GALNTL6: variants seen among roughly 807,000 people sequenced by gnomAD.
The protein encoded by GALNTL6 is polypeptide N-acetylgalactosaminyltransferase-like 6.
A neutral mutation model predicts 73.7 loss-of-function variants in GALNTL6; 46 were observed. The ratio of observed to expected loss-of-function variants is 0.62; its 90% CI spans 0.49 to 0.80. GALNTL6 has a LOEUF of 0.80. Among genes scored for constraint, GALNTL6 ranks in the 30% least tolerant of loss-of-function variants. The pLI, the probability that GALNTL6 is intolerant of heterozygous loss-of-function variation, is 0.00. For missense variants in GALNTL6, 604 were observed against 755.0 expected (o/e 0.80, Z 2.34); for synonymous variants, 259 against 263.7 (o/e 0.98, Z 0.17).
At chr4:172,611,595 C>A (rs1373322225) in intron 5 of GALNTL6, among the ~76,000 whole-genome samples, 3 of 151,976 alleles carry the variant, frequency 2.0e-5, no homozygotes, top group Non-Finnish European at 2.9e-5. Context: ...CTCTAGTTAT[C>A]TTTGAAATTT....
intron 2 of GALNTL6, among the ~76,000 whole-genome samples, chr4:171,830,432 C>T (rs539387494): frequency 2.1e-4 from 32 of 152,112 alleles, no homozygotes; most frequent in African/African-American, 7.2e-4. Context: ...ATAAATATTT[C>T]TTGAAATAAT....
At chr4:172,466,911 T>G (rs1480374949) in intron 5 of GALNTL6, among the ~76,000 whole-genome samples, 1 of 141,322 alleles carries the variant, frequency 7.1e-6, no homozygotes, top group Non-Finnish European at 1.5e-5. Flanking sequence ...AGATTTGCAT[T>G]TACATTTCAC....
intron 2 of GALNTL6, among the ~76,000 whole-genome samples, chr4:171,853,271 T>C (rs1379460271): frequency 1.3e-5 from 2 of 152,002 alleles, no homozygotes; most frequent in South Asian, 2.1e-4. Flanking sequence ...AAGTACTTCA[T>C]TGATGAAAAT....
intron 2 of GALNTL6, among the ~76,000 whole-genome samples, chr4:172,050,375 G>A (rs1041081663): frequency 6.6e-6 from 1 of 152,114 alleles, no homozygotes; most frequent in Admixed American, 6.6e-5. Context: ...AATACATAGA[G>A]GTTACACAGT....
At chr4:172,754,591 A>G (rs1737633238) in intron 5 of GALNTL6, among the ~76,000 whole-genome samples, 1 of 152,196 alleles carries the variant, frequency 6.6e-6, no homozygotes, top group African/African-American at 2.4e-5. Context: ...ATTAAAAAAA[A>G]CAGATTTTGA....
chr4:172,789,232 C>G (rs1739857644), intron 5 of GALNTL6, among the ~76,000 whole-genome samples: 1 of 152,248 alleles, frequency 6.6e-6, no homozygotes, highest in East Asian at 1.9e-4. Context: ...GTGGAGTTCC[C>G]ATGACCCCCT....
intron 5 of GALNTL6, among the ~76,000 whole-genome samples, chr4:172,353,800 C>T (rs1316289814): frequency 2.0e-5 from 3 of 151,930 alleles, no homozygotes; most frequent in African/African-American, 7.2e-5. Context: ...TAATGATCCA[C>T]ATTACCATTA....
rs1275146955 is a variant in GALNTL6, at chr4:172,530,147, G to T, written c.553+181458G>T. Among the ~76,000 whole-genome samples the T allele has an allele frequency of 2.0e-5, 3 of 151,916 alleles. No homozygotes were observed. In the East Asian group the frequency reaches 5.8e-4, roughly 29 times the overall value. On this transcript the variant is annotated intron_variant, in intron 5 of 12. Transcript: ENST00000506823. ...TAAGCCTAGAGCTCACTGAAAACTCGAAGCTACCAACCTTTATGACTGTCT... is the reference window on the plus strand; with the variant it reads ...TAAGCCTAGAGCTCACTGAAAACTCTAAGCTACCAACCTTTATGACTGTCT...
chr4:172,754,107 G>A (rs946563851), intron 5 of GALNTL6, among the ~76,000 whole-genome samples: 3 of 152,166 alleles, frequency 2.0e-5, no homozygotes, highest in African/African-American at 4.8e-5. Context: ...GCAACGGTTG[G>A]TGGAAATATT....
chr4:172,492,686 A>G (rs560731522), intron 5 of GALNTL6, among the ~76,000 whole-genome samples: 106 of 152,248 alleles, frequency 7.0e-4, no homozygotes, highest in African/African-American at 2.4e-3. Context: ...AAACTACTTA[A>G]CTGGCCTATG....
intron 5 of GALNTL6, among the ~76,000 whole-genome samples, chr4:172,736,837 G>T (rs760644888): frequency 6.6e-6 from 1 of 152,142 alleles, no homozygotes; most frequent in Non-Finnish European, 1.5e-5. Context: ...GCAATAGTGG[G>T]TCTTTCCAAG....
At chr4:171,866,539 G>C (rs1393658859) in intron 2 of GALNTL6, among the ~76,000 whole-genome samples, 1 of 152,012 alleles carries the variant, frequency 6.6e-6, no homozygotes, top group Non-Finnish European at 1.5e-5. Flanking sequence ...AACCAGAAAG[G>C]CTCATTTGAA....
intron 5 of GALNTL6, among the ~76,000 whole-genome samples, chr4:172,808,756 A>G (rs1741118396): frequency 6.6e-6 from 1 of 152,172 alleles, no homozygotes; most frequent in Admixed American, 6.5e-5. Context: ...ATATTTCCGA[A>G]TCTTTAATAG....
intron 2 of GALNTL6, among the ~76,000 whole-genome samples, chr4:171,889,773 A>G (rs559030632): frequency 6.6e-6 from 1 of 152,262 alleles, no homozygotes; most frequent in South Asian, 2.1e-4. Flanking sequence ...TCTCACTTGC[A>G]TTGCCAAAGA....
chr4:172,914,615 C>A (rs1326872525), intron 8 of GALNTL6, among the ~76,000 whole-genome samples: 1 of 152,138 alleles, frequency 6.6e-6, no homozygotes, highest in Admixed American at 6.5e-5. Context: ...TCTGATAAAA[C>A]AGACTTTAAA....
chr4:172,392,816 C>A (rs1175697730), intron 5 of GALNTL6, among the ~76,000 whole-genome samples: 5 of 152,086 alleles, frequency 3.3e-5, no homozygotes, highest in African/African-American at 1.2e-4. Flanking sequence ...CCTTTGTTTT[C>A]CCATACATGA....
rs543880542 is a variant in GALNTL6 at position 172,719,886 on chromosome 4, G to A, written c.554-89475G>A. 2.0e-5 allele frequency among the ~76,000 whole-genome samples: 3 copies of A among 152,236 alleles called. No homozygotes were observed. In the East Asian group the frequency reaches 5.8e-4, roughly 29 times the overall value. ...ATTTCTGATGATATGCTAAACAAGG[G>A]GTGGATTATTCATGCCTCCCCTTTT... On this transcript the variant is annotated intron_variant, in intron 5 of 12. Coordinates refer to ENST00000506823, the MANE Select transcript of GALNTL6 (RefSeq NM_001034845.3).
chr4:171,837,086 T>A (rs1735112449), intron 2 of GALNTL6, among the ~76,000 whole-genome samples: 1 of 152,112 alleles, frequency 6.6e-6, no homozygotes, highest in Non-Finnish European at 1.5e-5. Context: ...GACAAAATGA[T>A]CACTAGTAAT....
intron 2 of GALNTL6, among the ~76,000 whole-genome samples, chr4:172,084,434 A>G (rs1191273921): frequency 6.6e-6 from 1 of 152,170 alleles, no homozygotes; most frequent in East Asian, 1.9e-4. Flanking sequence ...ATTATGACCA[A>G]CTAAATGTTA....
Sources: allele counts gnomAD v4.1 joint callset (sites outside exome capture counted in the v4.1 genomes callset), GRCh38; gene constraint gnomAD v4.1.1; transcripts MANE v1.5; gene names NCBI Gene and HGNC (gene_info 2026-07-23, HGNC 2026-07-21).